ZNF131: variants seen among roughly 807,000 people sequenced by gnomAD.
ZNF131 encodes the protein zinc finger and BTB domain containing 35.
Under a neutral mutation model 60.0 loss-of-function variants are expected in ZNF131, and 7 were observed. The observed-to-expected ratio is 0.12, with a 90% confidence interval of 0.07 to 0.22. The LOEUF is 0.22. Ranked by LOEUF, ZNF131 falls within the 10% of genes least tolerant of loss-of-function variation. The probability of loss-of-function intolerance (pLI) is 1.00; values close to 1 mark genes in which losing one functional copy is unlikely to be tolerated. For missense variants in ZNF131, 493 were observed against 740.9 expected (o/e 0.67, Z 3.88); for synonymous variants, 257 against 253.2 (o/e 1.01, Z -0.14).
intron 3 of ZNF131, among the ~76,000 whole-genome samples, chr5:43,137,241 C>A (rs1383190348): frequency 1.3e-5 from 2 of 151,716 alleles, no homozygotes; most frequent in Non-Finnish European, 2.9e-5. Context: ...TTCTGTACAG[C>A]AAAGGAAACA....
chr5:43,123,690 A>G, intron 3 of ZNF131: 1 of 167,370 alleles, frequency 6.0e-6, no homozygotes, highest in Non-Finnish European at 1.3e-5. Flanking sequence ...GTTACAGTAG[A>G]AGCTTTTACT....
chr5:43,142,793 G>A (rs1433226430), intron 4 of ZNF131, among the ~76,000 whole-genome samples: 1 of 151,898 alleles, frequency 6.6e-6, no homozygotes, highest in Non-Finnish European at 1.5e-5. Flanking sequence ...CCGGCCTCAA[G>A]AGATCCTCCC....
At chr5:43,125,708 G>A (rs1409468212) in intron 3 of ZNF131, among the ~76,000 whole-genome samples, 1 of 151,924 alleles carries the variant, frequency 6.6e-6, no homozygotes, top group East Asian at 2.0e-4. Context: ...TTGAACCCGG[G>A]AGGCGGAGGT....
intron 4 of ZNF131, among the ~76,000 whole-genome samples, chr5:43,141,413 C>A (rs1199243186): frequency 6.6e-6 from 1 of 152,234 alleles, no homozygotes; most frequent in East Asian, 1.9e-4. Context: ...AAAGAATGTT[C>A]TCTGTGGCCC....
rs1192058563 is a variant in ZNF131 at position 43,143,485 on chromosome 5, C to G, written c.371+4176C>G. 3.3e-6 allele frequency: 4 copies of G among 1,197,770 alleles called. No homozygotes were observed. In the African/African-American group the frequency reaches 4.7e-5, roughly 14 times the overall value. 74.2% of individuals were successfully genotyped at this position (1,197,770 alleles called of 1,614,324 possible). Reference sequence around the variant, plus strand: ...GCTGTATTTGAAGTTTCTTAATTTCCTATCCCACTGGAACTAGTTTAGATG... The same window carrying G: ...GCTGTATTTGAAGTTTCTTAATTTCGTATCCCACTGGAACTAGTTTAGATG... On this transcript the variant is annotated intron_variant, in intron 4 of 6. Coordinates refer to ENST00000682664, the MANE Select transcript of ZNF131 (RefSeq NM_001330707.2).
rs1211899108 is a variant in ZNF131 at position 43,162,080 on chromosome 5, A to G, written c.1054+149A>G. ...GCTAAGTACACGTTTTTATAGTATT[A>G]CCTGTTCAAATATTGGTGCTTTAAA... is the stretch of plus-strand genomic sequence containing the variant. On this transcript the variant is annotated intron_variant, in intron 5 of 6. Coordinates refer to ENST00000682664, the MANE Select transcript of ZNF131 (RefSeq NM_001330707.2). 9.5e-6 allele frequency: 7 copies of G among 733,206 alleles called. No homozygotes were observed. The East Asian group carries it at 2.0e-4, about 21-fold the overall frequency. 45.4% of individuals were successfully genotyped at this position (733,206 alleles called of 1,614,324 possible).
At chr5:43,127,637 T>C (rs1194103865) in intron 3 of ZNF131, among the ~76,000 whole-genome samples, 1 of 152,184 alleles carries the variant, frequency 6.6e-6, no homozygotes, top group Non-Finnish European at 1.5e-5. Context: ...AGGTGCAAGC[T>C]GAGCTCACCC....
chr5:43,139,373 G>T, intron 4 of ZNF131, 64 bp downstream of exon 4: 2 of 1,403,170 alleles, frequency 1.4e-6, no homozygotes, highest in South Asian at 1.8e-5. Context: ...TGTTAGTGAA[G>T]AACTTACAGT....
At chr5:43,136,168 A>G (rs995112711) in intron 3 of ZNF131, among the ~76,000 whole-genome samples, 4 of 152,228 alleles carry the variant, frequency 2.6e-5, no homozygotes, top group East Asian at 1.9e-4. Flanking sequence ...ACATGACTCA[A>G]CGGAAATGCT....
At chr5:43,142,689 T>A (rs1747014237) in intron 4 of ZNF131, among the ~76,000 whole-genome samples, 1 of 150,630 alleles carries the variant, frequency 6.6e-6, no homozygotes, top group African/African-American at 2.4e-5. Flanking sequence ...CATGATTTGT[T>A]TGGGTTTGGT....
At chr5:43,154,488 G>C (rs1179296176) in intron 4 of ZNF131, among the ~76,000 whole-genome samples, 1 of 152,162 alleles carries the variant, frequency 6.6e-6, no homozygotes, top group Non-Finnish European at 1.5e-5. Context: ...TGGGGTCACA[G>C]CTCCAGTACT....
chr5:43,162,641 C>CG (rs1749848917), intron 5 of ZNF131, among the ~76,000 whole-genome samples: 1 of 143,762 alleles, frequency 7.0e-6, no homozygotes, highest in East Asian at 2.1e-4. Context: ...CGGTGGCTCA[C>CG]GCCTGTAATC....
intron 4 of ZNF131, among the ~76,000 whole-genome samples, chr5:43,158,352 C>T (rs749893764): frequency 6.6e-5 from 10 of 152,248 alleles, no homozygotes; most frequent in African/African-American, 2.2e-4. Flanking sequence ...TGCAATGGCA[C>T]GATCTCGGTT....
rs1751490526 is a variant in ZNF131, at chr5:43,175,592, G to A, written c.*459G>A. On this transcript the variant is annotated 3_prime_UTR_variant, in exon 7 of 7. Transcript: ENST00000682664. Reference sequence around the variant, plus strand: ...AAGGCTGCATGATGAAAAGTGCATTGTTACTGTGCAGTTAAATTTTGGCTT... The same window carrying A: ...AAGGCTGCATGATGAAAAGTGCATTATTACTGTGCAGTTAAATTTTGGCTT... 2 of 588,592 alleles carry A rather than the reference G, an allele frequency of 3.4e-6. No individual in the cohort carries two copies. Among genetic ancestry groups the A allele is most frequent in the East Asian group, 6.1e-5 (2 of 32,552 alleles). 36.5% of individuals were successfully genotyped at this position (588,592 alleles called of 1,614,324 possible).
At chr5:43,164,954 C>G (rs1049866713) in intron 5 of ZNF131, among the ~76,000 whole-genome samples, 1 of 151,980 alleles carries the variant, frequency 6.6e-6, no homozygotes, top group African/African-American at 2.4e-5. Flanking sequence ...CTCTCCTCTC[C>G]TCTCTCTCTC....
At chr5:43,127,357 G>T (rs557929423) in intron 3 of ZNF131, among the ~76,000 whole-genome samples, 2 of 152,314 alleles carry the variant, frequency 1.3e-5, no homozygotes, top group Non-Finnish European at 2.9e-5. Context: ...CTAGGTTCTT[G>T]ATATACTATG....
At chr5:43,148,327 A>G (rs1229215849) in intron 4 of ZNF131, among the ~76,000 whole-genome samples, 3 of 152,102 alleles carry the variant, frequency 2.0e-5, no homozygotes, top group Non-Finnish European at 1.5e-5. Flanking sequence ...TGCAGTGAGT[A>G]GTGATCGTGC....
chr5:43,175,397 T>C lies in ZNF131; in HGVS notation c.*264T>C. ...AATGGATTATATTCTTATTATATAG[T>C]TGGGTACGAATGTATCTATTTTCAT... On this transcript the variant is annotated 3_prime_UTR_variant, in exon 7 of 7. Transcript: ENST00000682664. The C allele has an allele frequency of 1.4e-6, 1 of 692,318 alleles. No individual in the cohort carries two copies. Among genetic ancestry groups the C allele is most frequent in the Non-Finnish European group, 2.6e-6 (1 of 383,462 alleles). The allele number at this position is 692,318 out of a possible 1,614,324, so 42.9% of individuals were successfully genotyped here. A position where few individuals can be genotyped will look rare whatever the true frequency, so the allele number is the denominator to read the frequency against.
intron 3 of ZNF131, among the ~76,000 whole-genome samples, chr5:43,128,739 C>G (rs1331505374): frequency 6.6e-6 from 1 of 150,542 alleles, no homozygotes; most frequent in African/African-American, 2.4e-5. Context: ...AGTTTTGATT[C>G]CAAAGATCAG....
Sources: gnomAD v4.1 joint callset for allele counts (sites outside exome capture counted in the v4.1 genomes callset) on GRCh38, gnomAD v4.1.1 for gene constraint, MANE v1.5 for transcripts, NCBI Gene and HGNC (gene_info 2026-07-23, HGNC 2026-07-21) for gene names.